Variants in KIAA1549L observed in about 807,000 individuals in gnomAD.
KIAA1549L encodes UPF0606 protein KIAA1549L.
Under a neutral mutation model 160.7 loss-of-function variants are expected in KIAA1549L, and 88 were observed. The ratio of observed to expected loss-of-function variants is 0.55; its 90% CI spans 0.46 to 0.65. The LOEUF is 0.65. Among genes scored for constraint, KIAA1549L ranks in the 30% least tolerant of loss-of-function variants. KIAA1549L has a pLI of 0.00. For missense variants in KIAA1549L, 2,258 were observed against 2,437.5 expected, an observed-to-expected ratio of 0.93 and a Z score of 1.55; for synonymous variants, 950 against 976.7, an observed-to-expected ratio of 0.97 and a Z score of 0.51.
chr11:33,553,306 A>T (rs1471313776), intron 6 of KIAA1549L, among the ~76,000 whole-genome samples: 1 of 144,940 alleles, frequency 6.9e-6, no homozygotes. Context: ...GGTGCGCTGT[A>T]TTTTTTTTTT....
At position 33,419,857 on chromosome 11, in the gene KIAA1549L, TATACATACATACATAC is replaced by T. The variant is rs60868652; in HGVS notation, c.238+43004_238+43019del. Among the ~76,000 whole-genome samples the T allele has an allele frequency of 2.7e-3, 369 of 136,498 alleles. 1 individual carries two copies. Among genetic ancestry groups the T allele is most frequent in the African/African-American group, 3.6e-3 (134 of 37,724 alleles). The allele number at this position is 136,498 out of a possible 152,430, so 89.5% of individuals were successfully genotyped here. On this transcript the variant is annotated intron_variant, in intron 1 of 20. Coordinates refer to ENST00000658780, the MANE Select transcript of KIAA1549L (RefSeq NM_012194.3). The stretch of plus-strand genomic sequence containing the variant: ...GCAAGACTGTCTTTAAAAAAAATGT[TATACATACATACATAC>T]ATACATACATACATACATACATACA...
rs1350753871 is a variant in KIAA1549L at position 33,645,804 on chromosome 11, C to G, written c.5528C>G (p.Ser1843Cys). 6.2e-7 allele frequency: 1 copy of G among 1,614,002 alleles called. No homozygotes were observed. The highest frequency in any genetic ancestry group is 8.5e-7 in the Non-Finnish European group (1 of 1,179,894). ...SETSTLSSQP[S>C]IDEVRQQMHM... ...ACCTCCACACTGAGCTCCCAGCCAT[C>G]CATCGACGAGGTCAGGCAGCAGATG... The change falls in exon 17 of 21, where the codon TCC (serine) becomes TGC (cysteine). Residue 1843 changes from serine to cysteine, a missense_variant. Coordinates refer to ENST00000658780, the MANE Select transcript of KIAA1549L (RefSeq NM_012194.3).
intron 1 of KIAA1549L, among the ~76,000 whole-genome samples, chr11:33,495,206 A>G (rs1304053857): frequency 1.3e-5 from 2 of 152,054 alleles, no homozygotes; most frequent in Non-Finnish European, 2.9e-5. Flanking sequence ...TACATGTGCC[A>G]TGCTGGTGCG....
chr11:33,626,260 T>C (rs1395535549), intron 16 of KIAA1549L, among the ~76,000 whole-genome samples: 1 of 140,186 alleles, frequency 7.1e-6, no homozygotes, highest in Non-Finnish European at 1.5e-5. Context: ...TTTGGTTCCA[T>C]ATGAACTTTA....
intron 1 of KIAA1549L, among the ~76,000 whole-genome samples, chr11:33,459,319 G>A (rs1315561291): frequency 6.6e-6 from 1 of 152,152 alleles, no homozygotes; most frequent in East Asian, 1.9e-4. Context: ...GTGCATTTTG[G>A]GGAGGGGAGT....
At chr11:33,647,161 G>A (rs1273902162) in intron 17 of KIAA1549L, among the ~76,000 whole-genome samples, 5 of 152,118 alleles carry the variant, frequency 3.3e-5, no homozygotes, top group South Asian at 2.1e-4. Flanking sequence ...AAGATGGGCC[G>A]ATCACTTGAG....
chr11:33,436,018 A>G (rs1476674520), intron 1 of KIAA1549L, among the ~76,000 whole-genome samples: 2 of 150,124 alleles, frequency 1.3e-5, no homozygotes, highest in Non-Finnish European at 3.0e-5. Flanking sequence ...AATAAGGTAG[A>G]ACAACTATTT....
Position 33,506,435 on chromosome 11 carries a change from G to A in KIAA1549L, c.239-35367G>A, listed in dbSNP as rs76250240. Among the ~76,000 whole-genome samples the A allele has an allele frequency of 1.3e-3, 196 of 152,204 alleles. 4 individuals are homozygous for A. Among genetic ancestry groups the A allele is most frequent in the African/African-American group, 4.5e-3 (188 of 41,558 alleles). Reference sequence around the variant, plus strand: ...TCTGCTATATCCAAACTATAAAAACGCCCAGGTGGGCCAGGTGCGGTGGCT... The same window carrying A: ...TCTGCTATATCCAAACTATAAAAACACCCAGGTGGGCCAGGTGCGGTGGCT... On this transcript the variant is annotated intron_variant, in intron 1 of 20. Coordinates refer to ENST00000658780, the MANE Select transcript of KIAA1549L (RefSeq NM_012194.3).
intron 1 of KIAA1549L, among the ~76,000 whole-genome samples, chr11:33,522,955 C>G (rs890698014): frequency 5.9e-5 from 9 of 151,750 alleles, no homozygotes; most frequent in Non-Finnish European, 1.2e-4. Context: ...TTACAGTTTT[C>G]TTGGTGCACA....
At chr11:33,385,367 G>A (rs1850153845) in intron 1 of KIAA1549L, among the ~76,000 whole-genome samples, 2 of 152,134 alleles carry the variant, frequency 1.3e-5, no homozygotes, top group Non-Finnish European at 2.9e-5. Flanking sequence ...AACATTTTGG[G>A]TTCAACGGTT....
chr11:33,635,891 C>A (rs1316328124), intron 16 of KIAA1549L, among the ~76,000 whole-genome samples: 1 of 152,164 alleles, frequency 6.6e-6, no homozygotes. Context: ...CAGTAGTCAC[C>A]ACTTATCCAT....
chr11:33,664,686 T>C (rs1852381541), intron 20 of KIAA1549L, among the ~76,000 whole-genome samples: 1 of 152,220 alleles, frequency 6.6e-6, no homozygotes, highest in African/African-American at 2.4e-5. Flanking sequence ...GAAAGACAGC[T>C]GTCTCTGAAC....
intron 1 of KIAA1549L, among the ~76,000 whole-genome samples, chr11:33,414,957 A>G (rs140593698): frequency 1.3e-5 from 2 of 152,146 alleles, no homozygotes. Context: ...TATGTTGCAG[A>G]TATTTTTTCC....
chr11:33,606,131 A>G (rs1407625114), intron 13 of KIAA1549L, among the ~76,000 whole-genome samples: 1 of 152,214 alleles, frequency 6.6e-6, no homozygotes, highest in Non-Finnish European at 1.5e-5. Context: ...GAAGAGGAAA[A>G]AAAAAAAGAA....
chr11:33,513,713 A>G (rs1853276438), intron 1 of KIAA1549L, among the ~76,000 whole-genome samples: 1 of 152,220 alleles, frequency 6.6e-6, no homozygotes, highest in Non-Finnish European at 1.5e-5. Flanking sequence ...CTGTGAGGCC[A>G]GAAGTGATTG....
intron 1 of KIAA1549L, among the ~76,000 whole-genome samples, chr11:33,500,294 G>GT (rs1208944548): frequency 6.6e-6 from 1 of 152,196 alleles, no homozygotes; most frequent in Non-Finnish European, 1.5e-5. Context: ...TCTAAATCCA[G>GT]TGCTGTTGTA....
In KIAA1549L at chr11:33,609,750, T is replaced by C; in HGVS notation, c.5063T>C (p.Val1688Ala). The change falls in exon 15 of 21, where the codon GTG (valine) becomes GCG (alanine). Residue 1688 changes from valine (V) to alanine (A), a missense_variant and splice_region_variant. Physicochemically the swap from Val to Ala is moderately conservative, Grantham distance 64. This residue lies in a region of KIAA1549L where 1,359 missense variants were observed against 1,546.6 expected (regional missense o/e 0.88). Coordinates refer to ENST00000658780, the MANE Select transcript of KIAA1549L (RefSeq NM_012194.3). The stretch of plus-strand genomic sequence containing the variant: ...GCCTGAGACTGCCTCTCTCCCCAGG[T>C]GAACAAAGCCCTGAAGCAGAAGTCA... ...QESSAVLNGE[V>A]NKALKQKSDI... 6.2e-7 allele frequency: 1 copy of C among 1,601,812 alleles called. No individual in the cohort carries two copies. Among genetic ancestry groups the C allele is most frequent in the South Asian group, 1.1e-5 (1 of 89,084 alleles).
chr11:33,479,128 G>A (rs1181110940), intron 1 of KIAA1549L, among the ~76,000 whole-genome samples: 1 of 152,104 alleles, frequency 6.6e-6, no homozygotes, highest in Non-Finnish European at 1.5e-5. Context: ...TATCCTCTTT[G>A]CCTTTGTTAG....
intron 16 of KIAA1549L, among the ~76,000 whole-genome samples, chr11:33,634,549 A>T (rs914822572): frequency 6.6e-6 from 1 of 152,212 alleles, no homozygotes; most frequent in African/African-American, 2.4e-5. Context: ...CTGCTCAGTA[A>T]TTGAATTTCC....
Sources: gnomAD v4.1 joint callset for allele counts (sites outside exome capture counted in the v4.1 genomes callset) on GRCh38, gnomAD v4.1.1 for gene constraint, gnomAD v4.1.1 regional missense constraint, MANE v1.5 for transcripts, NCBI Gene and HGNC (gene_info 2026-07-23, HGNC 2026-07-21) for gene names.